The following DUSP10 variants were observed in gnomAD, a reference collection of about 807,000 sequenced individuals.
The protein encoded by DUSP10 is dual specificity protein phosphatase 10.
In DUSP10, 14 loss-of-function variants were observed where a neutral mutation model predicts 30.8. The observed-to-expected ratio is 0.46, with a 90% CI of 0.30 to 0.71. The LOEUF is 0.71. Among genes scored for constraint, DUSP10 ranks in the 30% least tolerant of loss-of-function variants. DUSP10 has a pLI of 0.08. For synonymous variants in DUSP10, 254 were observed against 250.4 expected, an observed-to-expected ratio of 1.01 and a Z score of -0.14; for missense variants, 550 against 619.4, an observed-to-expected ratio of 0.89 and a Z score of 1.19.
chr1:221,727,558 A>C (rs1661460473), intron 2 of DUSP10, among the ~76,000 whole-genome samples: 1 of 152,204 alleles, frequency 6.6e-6, no homozygotes, highest in South Asian at 2.1e-4. Flanking sequence ...TTTCCTTTCT[A>C]ATTCAACATA....
At chr1:221,713,574 GTTT>G (rs1318831159) in intron 2 of DUSP10, among the ~76,000 whole-genome samples, 1 of 148,428 alleles carries the variant, frequency 6.7e-6, no homozygotes, top group Non-Finnish European at 1.5e-5. Flanking sequence ...GGTGTTTACA[GTTT>G]TTCTCAGAGT....
rs1353164756 is a variant in DUSP10, at chr1:221,706,586, T to C, written c.812-120A>G. Reference sequence around the variant, plus strand: ...TGCATATTTTAAATACATATATAAATATGTATTTAAGCAAAAAAAATAAAA... The same window carrying C: ...TGCATATTTTAAATACATATATAAACATGTATTTAAGCAAAAAAAATAAAA... On this transcript the variant is annotated intron_variant, in intron 2 of 3. Transcript: ENST00000366899. The surrounding 1 kb of genome is among the most constrained non-coding windows in gnomAD (Gnocchi z 4.6). 3.1e-6 allele frequency: 2 copies of C among 648,012 alleles called. No individual in the cohort carries two copies. The highest frequency in any genetic ancestry group is 2.3e-6 in the Non-Finnish European group (1 of 433,714). 40.1% of individuals were successfully genotyped at this position (648,012 alleles called of 1,614,324 possible).
intron 2 of DUSP10, among the ~76,000 whole-genome samples, chr1:221,734,343 T>C (rs1340053694): frequency 2.0e-5 from 3 of 152,246 alleles, no homozygotes; most frequent in Admixed American, 1.3e-4. Flanking sequence ...ACTCCAACTC[T>C]ATGCAACTTA....
rs138110041 is a variant in DUSP10, at chr1:221,730,568, A to G, written c.811+8366T>C. On this transcript the variant is annotated intron_variant, in intron 2 of 3. Transcript: ENST00000366899. ...TGGCCTGAGTAGGCCTTTACCACACATAAAACATTAAGGGCAATGCAGATA... is the reference window on the plus strand; with the variant it reads ...TGGCCTGAGTAGGCCTTTACCACACGTAAAACATTAAGGGCAATGCAGATA... 1.3e-3 allele frequency among the ~76,000 whole-genome samples: 197 copies of G among 152,346 alleles called. 1 individual carries two copies. Among genetic ancestry groups the G allele is most frequent in the African/African-American group, 4.4e-3 (181 of 41,580 alleles).
chr1:221,711,837 G>C (rs534316821), intron 2 of DUSP10: 24 of 152,302 alleles, frequency 1.6e-4, no homozygotes, highest in African/African-American at 5.3e-4. Context: ...TGGATGCTAT[G>C]ATATACTCCA....
intron 2 of DUSP10, among the ~76,000 whole-genome samples, chr1:221,717,412 G>A (rs938922055): frequency 6.6e-6 from 1 of 151,680 alleles, no homozygotes; most frequent in Admixed American, 6.6e-5. Flanking sequence ...CACAACAGGT[G>A]ATCAATATGT....
At chr1:221,720,989 T>C (rs1422165358) in intron 2 of DUSP10, among the ~76,000 whole-genome samples, 2 of 152,156 alleles carry the variant, frequency 1.3e-5, no homozygotes, top group Non-Finnish European at 2.9e-5. Context: ...TAGAGTGTAA[T>C]GGTTTGGTGC....
rs1297550039 is a variant in DUSP10, at chr1:221,739,211, C to T, written c.534G>A (p.Arg178=). The change falls in exon 2 of 4, where the codon AGG becomes AGA. Residue 178 remains arginine (R), a synonymous_variant. Transcript: ENST00000366899. ...GACTCTTGTTGTACTCCATGAAGGG[C>T]CTGCAGTCAATGATGACAGGGCCCT... is the stretch of plus-strand genomic sequence containing the variant. ...PSQGPVIIDC[R]PFMEYNKSHI... 1.9e-6 allele frequency: 3 copies of T among 1,614,192 alleles called. No individual in the cohort carries two copies. In the South Asian group the frequency reaches 3.3e-5, roughly 18 times the overall value.
rs5781246 is a variant in DUSP10, at chr1:221,701,518, A to AT, written c.*893dup. On this transcript the variant is annotated 3_prime_UTR_variant, in exon 4 of 4. Coordinates refer to ENST00000366899, the MANE Select transcript of DUSP10 (RefSeq NM_007207.6). ...TTTTGCGAAAAATATTTTTAAATAA[A>AT]TTTTTTTTTCTTACATTCTGATATA... 0.054 allele frequency: 7,915 copies of AT among 147,134 alleles called. 249 individuals carry two copies. The highest frequency in any genetic ancestry group is 0.086 in the African/African-American group (3,315 of 38,578). The allele number at this position is 147,134 out of a possible 1,614,324, so 9.1% of individuals were successfully genotyped here.
rs189528791 is a variant in DUSP10, at chr1:221,721,651, G to C, written c.812-15185C>G. ...TGAAATCCAAGGCAAATCACACTTGGTGGCCTCTTACCCCTTTCTCCTCTC... is the reference window on the plus strand; with the variant it reads ...TGAAATCCAAGGCAAATCACACTTGCTGGCCTCTTACCCCTTTCTCCTCTC... On this transcript the variant is annotated intron_variant, in intron 2 of 3. Coordinates refer to ENST00000366899, the MANE Select transcript of DUSP10 (RefSeq NM_007207.6). 5.7e-4 allele frequency among the ~76,000 whole-genome samples: 87 copies of C among 152,226 alleles called. No homozygotes were observed. The East Asian group carries it at 0.012, about 21-fold the overall frequency.
At chr1:221,736,425 G>A (rs1326759117) in intron 2 of DUSP10, among the ~76,000 whole-genome samples, 6 of 152,114 alleles carry the variant, frequency 3.9e-5, no homozygotes, top group African/African-American at 1.4e-4. Context: ...TTCCGAAATG[G>A]TACCACTACC....
chr1:221,737,666 G>C (rs922066540), intron 2 of DUSP10, among the ~76,000 whole-genome samples: 7 of 152,168 alleles, frequency 4.6e-5, no homozygotes, highest in African/African-American at 1.7e-4. Context: ...AGCCCCATGA[G>C]GGCAAGTTTG....
At chr1:221,707,680 A>G (rs1660807047) in intron 2 of DUSP10, among the ~76,000 whole-genome samples, 1 of 152,232 alleles carries the variant, frequency 6.6e-6, no homozygotes, top group African/African-American at 2.4e-5. Flanking sequence ...TATATTTTAA[A>G]AAGGCCAAGT....
At chr1:221,732,488 A>G (rs1472878796) in intron 2 of DUSP10, among the ~76,000 whole-genome samples, 1 of 152,220 alleles carries the variant, frequency 6.6e-6, no homozygotes, top group East Asian at 1.9e-4. Context: ...CTCAAAATTC[A>G]AGAAAAAAGG....
Position 221,739,489 on chromosome 1 carries a change from A to T in DUSP10, c.256T>A (p.Tyr86Asn). 6.2e-7 allele frequency: 1 copy of T among 1,614,154 alleles called. No homozygotes were observed. Among genetic ancestry groups the T allele is most frequent in the Non-Finnish European group, 8.5e-7 (1 of 1,180,026 alleles). Reference sequence around the variant, plus strand: ...GTTTGGGCCTGATTGTCCTTGTCGTAGGTTGCCACAGTGCAGCAGCTGGCA... The same window carrying T: ...GTTTGGGCCTGATTGTCCTTGTCGTTGGTTGCCACAGTGCAGCAGCTGGCA... The part of the protein sequence containing the change: ...SSASCCTVAT[Y>N]DKDNQAQTQA... The change falls in exon 2 of 4, where the codon TAC becomes AAC. Residue 86 changes from tyrosine (Y) to asparagine (N), a missense_variant. Transcript: ENST00000366899.
chr1:221,706,139 T>C lies in DUSP10; in HGVS notation c.1139A>G (p.Lys380Arg). 1 of 1,614,170 alleles carries C rather than the reference T, an allele frequency of 6.2e-7. No individual in the cohort carries two copies. Among genetic ancestry groups the C allele is most frequent in the Non-Finnish European group, 8.5e-7 (1 of 1,180,032 alleles). ...YKRLPATDSN[K>R]QNLRQYFEEA... ...TTCAAAGTACTGCCGCAGGTTCTGC[T>C]TGTTGCTGTCAGTGGCTGGCAGCCG... The change falls in exon 3 of 4, where the codon AAG (lysine) becomes AGG (arginine). Residue 380 changes from lysine (K) to arginine (R), a missense_variant. By Grantham distance (26) the Lys-to-Arg change is conservative. Transcript: ENST00000366899. This position sits in a 1 kb window ranked among gnomAD's most constrained non-coding sequence, Gnocchi z 4.6.
At chr1:221,715,752 T>C (rs769756195) in intron 2 of DUSP10, among the ~76,000 whole-genome samples, 32 of 152,230 alleles carry the variant, frequency 2.1e-4, no homozygotes, top group Non-Finnish European at 4.1e-4. Context: ...CTTTGTGTTA[T>C]TTTAATGAGC....
intron 2 of DUSP10, among the ~76,000 whole-genome samples, chr1:221,720,709 G>T (rs1041642615): frequency 6.6e-6 from 1 of 152,180 alleles, no homozygotes; most frequent in Non-Finnish European, 1.5e-5. Flanking sequence ...TGTTCCGAAA[G>T]TATGGTAGGA....
chr1:221,702,350 T>C lies in DUSP10; in HGVS notation c.*62A>G. ...AAAAAAGAAAGAAAAAAAACCAGAA[T>C]CCATCCTCCTTCCTCATTGTCTCCT... On this transcript the variant is annotated 3_prime_UTR_variant, in exon 4 of 4. Transcript: ENST00000366899. The surrounding 1 kb of genome is among the most constrained non-coding windows in gnomAD (Gnocchi z 4.5). 6.6e-7 allele frequency: 1 copy of C among 1,521,692 alleles called. No homozygotes were observed. The highest frequency in any genetic ancestry group is 8.9e-7 in the Non-Finnish European group (1 of 1,128,146). 94.3% of individuals were successfully genotyped at this position (1,521,692 alleles called of 1,614,324 possible).
Sources: allele counts gnomAD v4.1 joint callset (sites outside exome capture counted in the v4.1 genomes callset), GRCh38; gene constraint gnomAD v4.1.1; non-coding constraint Gnocchi (gnomAD v3.1); transcripts MANE v1.5; gene names NCBI Gene and HGNC (gene_info 2026-07-23, HGNC 2026-07-21).